The following HPSE2 variants were observed in gnomAD, a reference collection of about 807,000 sequenced individuals.
HPSE2 encodes the protein heparanase 2 (inactive).
In HPSE2, 38 loss-of-function variants were observed where a neutral mutation model predicts 60.5. The observed-to-expected ratio is 0.63, with a 90% CI of 0.48 to 0.82. The LOEUF (loss-of-function observed/expected upper bound fraction) is 0.82. HPSE2 is among the 40% of genes least tolerant of loss of function. The probability of loss-of-function intolerance (pLI) is 0.00; values close to 1 mark genes in which losing one functional copy is unlikely to be tolerated. For synonymous variants in HPSE2, 295 were observed against 293.2 expected, an observed-to-expected ratio of 1.01 and a Z score of -0.06; for missense variants, 713 against 740.4, an observed-to-expected ratio of 0.96 and a Z score of 0.43.
At chr10:99,281,886 C>A in the HPSE2 span, among the ~76,000 whole-genome samples, 1 of 152,030 alleles carries the variant, frequency 6.6e-6, no homozygotes, top group South Asian at 2.1e-4. Context: ...AAAACTATAT[C>A]CCATGCAAAC....
chr10:98,527,888 A>AG (rs1313296883), intron 9 of HPSE2, among the ~76,000 whole-genome samples: 6 of 152,046 alleles, frequency 3.9e-5, no homozygotes, highest in African/African-American at 1.2e-4. Context: ...GGTCATTCCT[A>AG]GGGGGGATAT....
At chr10:98,698,966 C>A (rs953781835) in intron 5 of HPSE2, among the ~76,000 whole-genome samples, 3 of 152,274 alleles carry the variant, frequency 2.0e-5, no homozygotes, top group East Asian at 3.9e-4. Context: ...CTGAATAGAC[C>A]AATAACAGGC....
At chr10:98,473,792 A>G (rs942423107) in intron 11 of HPSE2, among the ~76,000 whole-genome samples, 1 of 152,176 alleles carries the variant, frequency 6.6e-6, no homozygotes, top group Non-Finnish European at 1.5e-5. Context: ...CCTTTGGCCT[A>G]ATACATGGAG....
intron 9 of HPSE2, among the ~76,000 whole-genome samples, chr10:98,560,289 G>C (rs1944134321): frequency 6.6e-6 from 1 of 152,146 alleles, no homozygotes; most frequent in South Asian, 2.1e-4. Flanking sequence ...ACCACCCACT[G>C]CTTTCTCTCT....
intron 3 of HPSE2, among the ~76,000 whole-genome samples, chr10:98,781,804 A>C (rs1950476551): frequency 6.6e-6 from 1 of 151,892 alleles, no homozygotes; most frequent in African/African-American, 2.4e-5. Context: ...ATCTTGAAAA[A>C]TTTATATCGT....
chr10:98,856,219 C>T (rs1952311575), intron 3 of HPSE2, among the ~76,000 whole-genome samples: 2 of 152,106 alleles, frequency 1.3e-5, no homozygotes, highest in South Asian at 4.1e-4. Flanking sequence ...GCAAGAAAAA[C>T]AATCCCCTAA....
At chr10:98,590,719 G>GAAATTTATGAT (rs1945067473) in intron 9 of HPSE2, among the ~76,000 whole-genome samples, 2 of 152,128 alleles carry the variant, frequency 1.3e-5, no homozygotes. Context: ...CCAGGAAAAT[G>GAAATTTATGAT]AAATTTATGA....
At chr10:98,835,062 G>A (rs1003232718) in intron 3 of HPSE2, among the ~76,000 whole-genome samples, 4 of 152,110 alleles carry the variant, frequency 2.6e-5, no homozygotes, top group African/African-American at 7.2e-5. Flanking sequence ...GGCGGGGGAA[G>A]GGGGTGGTCT....
At chr10:99,201,927 A>G (rs1009427921) in intron 2 of HPSE2, among the ~76,000 whole-genome samples, 2 of 152,164 alleles carry the variant, frequency 1.3e-5, no homozygotes, top group African/African-American at 4.8e-5. Context: ...GTGGTAACTC[A>G]TTAGCCCACC....
At chr10:98,626,118 G>A (rs7914394) in intron 7 of HPSE2, among the ~76,000 whole-genome samples, 10,401 of 91,888 alleles carry the variant, frequency 0.11, 1,098 homozygotes, top group African/African-American at 0.31. Context: ...AAAAAAAAAA[G>A]AAAAAGAAAA....
chr10:99,143,308 T>TGGA (rs1194254898), intron 3 of HPSE2, among the ~76,000 whole-genome samples: 33 of 152,130 alleles, frequency 2.2e-4, no homozygotes, highest in African/African-American at 7.7e-4. Flanking sequence ...ACAATTTGGT[T>TGGA]GCCACTCAGC....
chr10:98,524,195 T>C (rs1181048121), intron 9 of HPSE2, among the ~76,000 whole-genome samples: 3 of 152,236 alleles, frequency 2.0e-5, no homozygotes, highest in African/African-American at 4.8e-5. Flanking sequence ...CGCTGCTTTG[T>C]AAATGAAGTC....
chr10:98,710,144 TTGGTCCAAAGCCACTTACTTTTTCA>T (rs1405645164), intron 5 of HPSE2, among the ~76,000 whole-genome samples: 5 of 152,204 alleles, frequency 3.3e-5, no homozygotes, highest in African/African-American at 9.6e-5. Context: ...CATCTTTCAT[TTGGTCCAAAGCCACTTACTTTTTCA>T]TGGTTAATTA....
chr10:98,781,124 C>T (rs965140241), intron 3 of HPSE2, among the ~76,000 whole-genome samples: 12 of 151,992 alleles, frequency 7.9e-5, no homozygotes, highest in African/African-American at 2.9e-4. Context: ...CAGACTTATT[C>T]TGAACAAAAG....
intron 3 of HPSE2, among the ~76,000 whole-genome samples, chr10:98,882,689 C>G (rs1404326004): frequency 6.6e-6 from 1 of 152,056 alleles, no homozygotes; most frequent in African/African-American, 2.4e-5. Context: ...AAAGTATGTT[C>G]TACTCACAGT....
chr10:98,963,459 T>C (rs985559152), intron 3 of HPSE2, among the ~76,000 whole-genome samples: 1 of 152,164 alleles, frequency 6.6e-6, no homozygotes, highest in African/African-American at 2.4e-5. Context: ...AGCTTTCTTT[T>C]ACAAGGACTG....
chr10:98,580,252 T>A (rs1208594269), intron 9 of HPSE2, among the ~76,000 whole-genome samples: 1 of 152,168 alleles, frequency 6.6e-6, no homozygotes, highest in Non-Finnish European at 1.5e-5. Flanking sequence ...TGCTTGAAAT[T>A]TACTAGGCCC....
chr10:99,215,260 T>C (rs1307730769), intron 2 of HPSE2, among the ~76,000 whole-genome samples: 1 of 152,168 alleles, frequency 6.6e-6, no homozygotes, highest in Non-Finnish European at 1.5e-5. Context: ...GTGGTACATA[T>C]ACACCAAGGA....
At chr10:99,018,578 C>A (rs921060057) in intron 3 of HPSE2, among the ~76,000 whole-genome samples, 19 of 150,564 alleles carry the variant, frequency 1.3e-4, no homozygotes, top group African/African-American at 4.4e-4. Flanking sequence ...TATTAACTTA[C>A]AGAGTAGTAA....
Sources: gnomAD v4.1 joint callset for allele counts (sites outside exome capture counted in the v4.1 genomes callset) on GRCh38, gnomAD v4.1.1 for gene constraint, MANE v1.5 for transcripts, NCBI Gene and HGNC (gene_info 2026-07-23, HGNC 2026-07-21) for gene names.